The following ZMYND19 variants were observed in gnomAD, a reference collection of about 807,000 sequenced individuals.
ZMYND19 encodes the protein zinc finger MYND domain-containing protein 19.
In ZMYND19, 17 loss-of-function variants were observed where a neutral mutation model predicts 32.0. That is an observed-to-expected ratio of 0.53 (90% CI 0.36 to 0.80). ZMYND19 has a LOEUF of 0.80. ZMYND19 is among the 30% of genes least tolerant of loss of function. The pLI is 0.00. For missense variants in ZMYND19, 250 were observed against 293.6 expected, an observed-to-expected ratio of 0.85 and a Z score of 1.09; for synonymous variants, 124 against 113.6, an observed-to-expected ratio of 1.09 and a Z score of -0.58.
Position 137,589,619 on chromosome 9 carries a change from G to A in ZMYND19, c.51+594C>T, listed in dbSNP as rs1217830552. 5 of 985,368 alleles carry A rather than the reference G, an allele frequency of 5.1e-6. No individual in the cohort carries two copies. The African/African-American group carries it at 7.0e-5, about 14-fold the overall frequency. The allele number at this position is 985,368 out of a possible 1,614,324, so 61.0% of individuals were successfully genotyped here. On this transcript the variant is annotated intron_variant, in intron 1 of 5. Transcript: ENST00000298585. ...CCAAGTAAGAAGAGAAGTCGAGGAA[G>A]GCCCTGAGTCTGCAGCATCAGGGCC... is the stretch of plus-strand genomic sequence containing the variant.
intron 4 of ZMYND19, among the ~76,000 whole-genome samples, chr9:137,584,525 G>A (rs1370913198): frequency 2.0e-5 from 3 of 152,190 alleles, no homozygotes; most frequent in African/African-American, 7.2e-5. Flanking sequence ...CGGCTGAAAT[G>A]ACCCGCACCA....
chr9:137,585,546 A>T (rs1484150617), intron 4 of ZMYND19, among the ~76,000 whole-genome samples: 2 of 152,202 alleles, frequency 1.3e-5, no homozygotes, highest in African/African-American at 4.8e-5. Context: ...GAGCAGGGAA[A>T]AAAAAACACC....
chr9:137,583,837 C>T (rs1317742752), intron 4 of ZMYND19, among the ~76,000 whole-genome samples: 2 of 152,258 alleles, frequency 1.3e-5, no homozygotes, highest in Non-Finnish European at 2.9e-5. Flanking sequence ...CTGCTGGCTT[C>T]TGAAGACAGA....
In ZMYND19 at chr9:137,590,388, C is replaced by A; in HGVS notation, c.-125G>T. On this transcript the variant is annotated 5_prime_UTR_variant, in exon 1 of 6. Transcript: ENST00000298585. The surrounding 1 kb of genome is among the most constrained non-coding windows in gnomAD (Gnocchi z 4.2). The stretch of plus-strand genomic sequence containing the variant: ...AGCCGGGGTCGGGGTAGCAGCCAGG[C>A]GGGCTCCGGGCGGGACGAGGCTGGG... 2 of 561,568 alleles carry A rather than the reference C, an allele frequency of 3.6e-6. No individual in the cohort carries two copies. The highest frequency in any genetic ancestry group is 4.5e-6 in the Non-Finnish European group (2 of 443,900). 34.8% of individuals were successfully genotyped at this position (561,568 alleles called of 1,614,324 possible).
rs377023104 is a variant in ZMYND19 at position 137,588,707 on chromosome 9, C to T, written c.63G>A (p.Thr21=). The stretch of plus-strand genomic sequence containing the variant: ...GCGGGATGTCCTGCTCATCGATCAG[C>T]GTGTATTTGGTCTGGAAGTTAACCA... ...LGRVAGKTKY[T]LIDEQDIPLV... is the part of the protein sequence containing the mutation. The change falls in exon 2 of 6, where the codon ACG becomes ACA. Residue 21 remains threonine, a synonymous_variant. Transcript: ENST00000298585. 2 of 1,614,162 alleles carry T rather than the reference C, an allele frequency of 1.2e-6. No homozygotes were observed. The highest frequency in any genetic ancestry group is 1.7e-6 in the Non-Finnish European group (2 of 1,180,010).
chr9:137,589,046 A>C, intron 1 of ZMYND19: 1 of 293,226 alleles, frequency 3.4e-6, no homozygotes, highest in Non-Finnish European at 6.5e-6. Flanking sequence ...ACCTAGGCAA[A>C]GACTGTTTCA....
chr9:137,582,731 C>A (rs775668637), intron 5 of ZMYND19, 45 bp from the exon 6 acceptor site: 1 of 1,598,472 alleles, frequency 6.3e-7, no homozygotes, highest in Non-Finnish European at 8.5e-7. Context: ...GCCTGGGACG[C>A]AGTGTGGGGC....
rs1842218766 is a variant in ZMYND19 at position 137,587,469 on chromosome 9, A to AACC, written c.218+245_218+247dup. 5.0e-6 allele frequency: 3 copies of AACC among 596,258 alleles called. No homozygotes were observed. In the African/African-American group the frequency reaches 5.6e-5, roughly 11 times the overall value. The allele number at this position is 596,258 out of a possible 1,614,324, so 36.9% of individuals were successfully genotyped here. On this transcript the variant is annotated intron_variant, in intron 3 of 5. Transcript: ENST00000298585. ...CTCGGCAAAACCCAGCAAGGGGAGC[A>AACC]ACCACCGTCCCTCCAGAGGCTGCCG...
chr9:137,582,800 G>A (rs1299817402), intron 5 of ZMYND19, 114 bp from the exon 6 acceptor site: 14 of 1,519,180 alleles, frequency 9.2e-6, no homozygotes, highest in South Asian at 1.3e-5. Flanking sequence ...TACCAAGGCT[G>A]GAGGGCCTGG....
At chr9:137,583,721 C>G (rs1842172631) in intron 4 of ZMYND19, among the ~76,000 whole-genome samples, 1 of 152,188 alleles carries the variant, frequency 6.6e-6, no homozygotes, top group South Asian at 2.1e-4. Flanking sequence ...CCCACCAACC[C>G]CGTTCTCCGA....
chr9:137,586,776 A>G (rs1043272828), intron 4 of ZMYND19, among the ~76,000 whole-genome samples, 191 bp downstream of exon 4: 6 of 152,214 alleles, frequency 3.9e-5, no homozygotes, highest in African/African-American at 7.2e-5. Context: ...ACACACCATC[A>G]AGATCCTTCC....
Position 137,590,149 on chromosome 9 carries a change from C to CCCGGCCCCGGCCT in ZMYND19, c.51+63_51+64insAGGCCGGGGCCGG. 1 of 993,252 alleles carries CCCGGCCCCGGCCT rather than the reference C, an allele frequency of 1.0e-6. No homozygotes were observed. The highest frequency in any genetic ancestry group is 1.2e-6 in the Non-Finnish European group (1 of 835,540). The allele number at this position is 993,252 out of a possible 1,614,324, so 61.5% of individuals were successfully genotyped here. ...CCCGGCCGCCGCCCGCACAACCGCC[C>CCCGGCCCCGGCCT]CCGGCCCCGCGCGGAGGCCTGGACG... On this transcript the variant is annotated intron_variant, in intron 1 of 5. Coordinates refer to ENST00000298585, the MANE Select transcript of ZMYND19 (RefSeq NM_138462.3). This position sits in a 1 kb window ranked among gnomAD's most constrained non-coding sequence, Gnocchi z 4.2.
In ZMYND19 at chr9:137,583,194, C is replaced by T. The variant is rs777965783; in HGVS notation, c.360-31G>A. On this transcript the variant is annotated intron_variant, in intron 4 of 5. Transcript: ENST00000298585. The stretch of plus-strand genomic sequence containing the variant: ...AGAAAGAAGCAGACACTTGAGTGCA[C>T]TCTGGCCAAACGGGGCCAGCACACA... The T allele has an allele frequency of 1.9e-6, 3 of 1,608,564 alleles. No homozygotes were observed. The African/African-American group carries it at 4.0e-5, about 22-fold the overall frequency.
intron 4 of ZMYND19, 32 bp from the exon 5 acceptor site, chr9:137,583,195 T>C (rs1229505812): frequency 6.2e-7 from 1 of 1,608,664 alleles, no homozygotes; most frequent in East Asian, 2.2e-5. Flanking sequence ...TTGAGTGCAC[T>C]CTGGCCAAAC....
In ZMYND19 at chr9:137,582,963, C is replaced by T. The variant is rs1379690350; in HGVS notation, c.540+20G>A. ...CAGGGTAGAGGTGCCAGGGACGCGA[C>T]CGCACTGCAGCACACCCACCTGCTT... On this transcript the variant is annotated intron_variant, in intron 5 of 5. Coordinates refer to ENST00000298585, the MANE Select transcript of ZMYND19 (RefSeq NM_138462.3). The T allele has an allele frequency of 6.2e-7, 1 of 1,612,810 alleles. No homozygotes were observed.
chr9:137,586,356 G>A (rs1842204022), intron 4 of ZMYND19, among the ~76,000 whole-genome samples: 1 of 146,418 alleles, frequency 6.8e-6, no homozygotes, highest in East Asian at 2.0e-4. Flanking sequence ...GAGCAGAGAA[G>A]GAAGGAATCC....
chr9:137,583,159 G>A lies in ZMYND19; in HGVS notation c.364C>T (p.Gln122Ter). ...TGAATTGCAAGCCAATACAAGCTTTGCTCCCTTAAAGAAAGAAGCAGACAC... is the reference window on the plus strand; with the variant it reads ...TGAATTGCAAGCCAATACAAGCTTTACTCCCTTAAAGAAAGAAGCAGACAC... ...AEETSSKQRE[Q>*]SLYWLAIQQL... The change falls in exon 5 of 6, where the codon CAA (glutamine) becomes TAA (stop). Residue 122 changes from glutamine to a stop codon, truncating the protein, a stop_gained. Coordinates refer to ENST00000298585, the MANE Select transcript of ZMYND19 (RefSeq NM_138462.3). LOFTEE classifies it high-confidence loss of function. 6.2e-7 allele frequency: 1 copy of A among 1,613,818 alleles called. No homozygotes were observed. Among genetic ancestry groups the A allele is most frequent in the South Asian group, 1.1e-5 (1 of 91,064 alleles).
chr9:137,588,787 C>G (rs1351712619), intron 1 of ZMYND19, 69 bp from the exon 2 acceptor site: 18 of 1,571,534 alleles, frequency 1.1e-5, no homozygotes, highest in Non-Finnish European at 1.5e-5. Context: ...ACCTTATAAC[C>G]AGAACAGGCA....
rs1368372761 is a variant in ZMYND19, at chr9:137,583,177, G to A, written c.360-14C>T. The stretch of plus-strand genomic sequence containing the variant: ...AAGCTTTGCTCCCTTAAAGAAAGAA[G>A]CAGACACTTGAGTGCACTCTGGCCA... On this transcript the variant is annotated splice_polypyrimidine_tract_variant and intron_variant, in intron 4 of 5. Transcript: ENST00000298585. 2.5e-6 allele frequency: 4 copies of A among 1,612,640 alleles called. No individual in the cohort carries two copies. The highest frequency in any genetic ancestry group is 2.5e-6 in the Non-Finnish European group (3 of 1,179,198).
Sources: allele counts gnomAD v4.1 joint callset (sites outside exome capture counted in the v4.1 genomes callset), GRCh38; gene constraint gnomAD v4.1.1; non-coding constraint Gnocchi (gnomAD v3.1); transcripts MANE v1.5; gene names NCBI Gene and HGNC (gene_info 2026-07-23, HGNC 2026-07-21).